ADORA2B: variants seen among roughly 807,000 people sequenced by gnomAD.
ADORA2B encodes adenosine A2b receptor.
ADORA2B carries 18 observed loss-of-function variants against 20.8 expected under a neutral mutation model. The observed-to-expected ratio is 0.87, with a 90% CI of 0.60 to 1.29. ADORA2B has a LOEUF of 1.29. Ranked by LOEUF, ADORA2B falls within the 50% of genes most tolerant of loss-of-function variation. ADORA2B has a pLI of 0.00. For missense variants in ADORA2B, 441 were observed against 422.7 expected, an observed-to-expected ratio of 1.04 and a Z score of -0.38; for synonymous variants, 179 against 178.3, an observed-to-expected ratio of 1.00 and a Z score of -0.03.
At chr17:15,939,851 C>T in the ADORA2B span, among the ~76,000 whole-genome samples, 74 of 127,762 alleles carry the variant, frequency 5.8e-4, no homozygotes, top group Admixed American at 4.9e-3. Context: ...CAGAGCGAGA[C>T]TCTGTCTCAA....
chr17:15,859,250 C>A, the ADORA2B span, among the ~76,000 whole-genome samples: 1 of 152,126 alleles, frequency 6.6e-6, no homozygotes, highest in African/African-American at 2.4e-5. Flanking sequence ...TTGGATGATT[C>A]TATTTACTGT....
chr17:15,876,782 A>T, the ADORA2B span, among the ~76,000 whole-genome samples: 1 of 152,114 alleles, frequency 6.6e-6, no homozygotes, highest in Admixed American at 6.5e-5. Flanking sequence ...GTATAACATA[A>T]AATTTACCAT....
At chr17:15,891,275 T>C in the ADORA2B span, among the ~76,000 whole-genome samples, 1 of 148,726 alleles carries the variant, frequency 6.7e-6, no homozygotes, top group African/African-American at 2.5e-5. Context: ...TCAAAATAGA[T>C]AAATAAATAA....
chr17:15,958,425 C>G (rs141719828), intron 1 of ADORA2B, among the ~76,000 whole-genome samples: 2 of 152,336 alleles, frequency 1.3e-5, no homozygotes, highest in African/African-American at 4.8e-5. Context: ...CGCATCCATC[C>G]TTGTTCTTTT....
the ADORA2B span, among the ~76,000 whole-genome samples, chr17:15,855,843 C>T: frequency 6.6e-6 from 1 of 151,994 alleles, no homozygotes; most frequent in Non-Finnish European, 1.5e-5. Flanking sequence ...CCTTTGCCCC[C>T]CTCCCCATTC....
the ADORA2B span, among the ~76,000 whole-genome samples, chr17:15,887,479 C>G: frequency 1.5e-5 from 2 of 130,446 alleles, no homozygotes; most frequent in Non-Finnish European, 3.2e-5. Flanking sequence ...GCAGGTTGCC[C>G]TGCCTGATTG....
the ADORA2B span, among the ~76,000 whole-genome samples, chr17:15,934,520 G>C: frequency 6.6e-6 from 1 of 152,028 alleles, no homozygotes; most frequent in Admixed American, 6.6e-5. Context: ...CACCGCGCCC[G>C]ACCTCTATAT....
chr17:15,937,793 G>A, the ADORA2B span, among the ~76,000 whole-genome samples: 3 of 152,008 alleles, frequency 2.0e-5, no homozygotes, highest in African/African-American at 4.8e-5. Flanking sequence ...GGCTGGTCTC[G>A]AACTCCTGAT....
At chr17:15,903,042 A>G in the ADORA2B span, among the ~76,000 whole-genome samples, 1 of 152,218 alleles carries the variant, frequency 6.6e-6, no homozygotes, top group Non-Finnish European at 1.5e-5. Context: ...TATTTTTCAA[A>G]TGTATCTTGT....
At chr17:15,859,518 T>G in the ADORA2B span, among the ~76,000 whole-genome samples, 1 of 152,056 alleles carries the variant, frequency 6.6e-6, no homozygotes, top group Admixed American at 6.6e-5. Flanking sequence ...GGGCAGCAAC[T>G]GTGGGCCTGG....
chr17:15,907,648 A>T, the ADORA2B span, among the ~76,000 whole-genome samples: 1 of 152,214 alleles, frequency 6.6e-6, no homozygotes, highest in East Asian at 1.9e-4. Context: ...GCAAATTAGC[A>T]AAAAATCACC....
At chr17:15,913,346 G>A in the ADORA2B span, among the ~76,000 whole-genome samples, 15 of 152,144 alleles carry the variant, frequency 9.9e-5, no homozygotes, top group Admixed American at 8.5e-4. Flanking sequence ...TCCCACTGAT[G>A]GTCATTCTGA....
chr17:15,866,869 C>T, the ADORA2B span, among the ~76,000 whole-genome samples: 1 of 152,378 alleles, frequency 6.6e-6, no homozygotes, highest in South Asian at 2.1e-4. Context: ...CATCTCAGCT[C>T]ACTGCAACCT....
chr17:15,975,394 A>C lies in ADORA2B; in HGVS notation c.*52A>C, dbSNP rs747180900. 3 of 1,552,646 alleles carry C rather than the reference A, an allele frequency of 1.9e-6. No individual in the cohort carries two copies. ...AGATACAAATCCACAAGAAACAAAG[A>C]GGACACGGCTGGTTTTCATTGTGAA... On this transcript the variant is annotated 3_prime_UTR_variant, in exon 2 of 2. Transcript: ENST00000304222.
chr17:15,884,570 C>A, the ADORA2B span, among the ~76,000 whole-genome samples: 1 of 152,014 alleles, frequency 6.6e-6, no homozygotes, highest in African/African-American at 2.4e-5. Flanking sequence ...TGCTCTCACT[C>A]CCTCCACGCC....
At chr17:15,921,022 C>T in the ADORA2B span, among the ~76,000 whole-genome samples, 1 of 152,228 alleles carries the variant, frequency 6.6e-6, no homozygotes, top group Admixed American at 6.5e-5. Context: ...ATGTTTGAGT[C>T]CAAGAACATG....
chr17:15,968,197 C>G (rs1244799865), intron 1 of ADORA2B, among the ~76,000 whole-genome samples: 1 of 152,142 alleles, frequency 6.6e-6, no homozygotes, highest in Non-Finnish European at 1.5e-5. Flanking sequence ...ACAGCTGACC[C>G]TTGAACAGCA....
the ADORA2B span, among the ~76,000 whole-genome samples, chr17:15,893,782 C>T: frequency 6.6e-6 from 1 of 152,186 alleles, no homozygotes; most frequent in Non-Finnish European, 1.5e-5. Flanking sequence ...CCCAACATAG[C>T]GCAGATCCAC....
At chr17:15,928,518 C>T in the ADORA2B span, among the ~76,000 whole-genome samples, 1 of 151,986 alleles carries the variant, frequency 6.6e-6, no homozygotes, top group Non-Finnish European at 1.5e-5. Flanking sequence ...GCCGGTGCAG[C>T]TGTACAAGGG....
Sources: allele counts gnomAD v4.1 joint callset (sites outside exome capture counted in the v4.1 genomes callset), GRCh38; gene constraint gnomAD v4.1.1; transcripts MANE v1.5; gene names NCBI Gene and HGNC (gene_info 2026-07-23, HGNC 2026-07-21).